The following C2orf69 variants were observed in gnomAD, a reference collection of about 807,000 sequenced individuals.
The protein encoded by C2orf69 is mitochondrial protein C2orf69.
C2orf69 carries 19 observed loss-of-function variants against 29.5 expected under a neutral mutation model. The observed-to-expected ratio is 0.65, with a 90% CI of 0.45 to 0.95. The LOEUF (loss-of-function observed/expected upper bound fraction) is 0.95, where lower values mean the gene tolerates loss of function less well. Among genes scored for constraint, C2orf69 ranks in the 40% least tolerant of loss-of-function variants. The pLI, the probability that C2orf69 is intolerant of heterozygous loss-of-function variation, is 0.00. For missense variants in C2orf69, 416 were observed against 482.1 expected, an observed-to-expected ratio of 0.86 and a Z score of 1.28; for synonymous variants, 194 against 180.0, an observed-to-expected ratio of 1.08 and a Z score of -0.62.
intron 1 of C2orf69, among the ~76,000 whole-genome samples, chr2:199,913,503 AT>A (rs1265436626): frequency 3.4e-5 from 2 of 57,982 alleles, no homozygotes; most frequent in Admixed American, 6.8e-4. Flanking sequence ...ATTATATAAA[AT>A]ATATATTATA....
chr2:199,922,031 T>TATATATATATATATA lies in C2orf69; in HGVS notation c.334-3031_334-3030insATATATATATATATA, dbSNP rs1553566021. On this transcript the variant is annotated intron_variant, in intron 1 of 1. Coordinates refer to ENST00000319974, the MANE Select transcript of C2orf69 (RefSeq NM_153689.6). The stretch of plus-strand genomic sequence containing the variant: ...TTCCCCAAGGCTGCCACTGTTATTT[T>TATATATATATATATA]TATATATATATATATATATATATGC... Among the ~76,000 whole-genome samples, 277 of 78,940 alleles carry TATATATATATATATA rather than the reference T, an allele frequency of 3.5e-3. 2 individuals are homozygous for TATATATATATATATA. Among genetic ancestry groups the TATATATATATATATA allele is most frequent in the Non-Finnish European group, 4.1e-3 (180 of 44,280 alleles). The allele number at this position is 78,940 out of a possible 152,430, so 51.8% of individuals were successfully genotyped here.
intron 1 of C2orf69, among the ~76,000 whole-genome samples, chr2:199,923,165 C>T (rs758142164): frequency 4.6e-5 from 7 of 152,210 alleles, no homozygotes; most frequent in African/African-American, 9.7e-5. Context: ...ATTGGAGAAG[C>T]CTTTCCTGAC....
rs77934141 is a variant in C2orf69 at position 199,914,206 on chromosome 2, A to G, written c.333+2435A>G. On this transcript the variant is annotated intron_variant, in intron 1 of 1. Transcript: ENST00000319974. Reference sequence around the variant, plus strand: ...CTTCAGTCTCATGGCTTTACTCACTACCTGTACACTGACACCCCTCAACAT... The same window carrying G: ...CTTCAGTCTCATGGCTTTACTCACTGCCTGTACACTGACACCCCTCAACAT... Among the ~76,000 whole-genome samples the G allele has an allele frequency of 7.2e-3, 1,096 of 152,134 alleles. 36 individuals are homozygous for G. The highest frequency in any genetic ancestry group is 0.055 in the Admixed American group (846 of 15,278).
chr2:199,925,626 G>C lies in C2orf69; in HGVS notation c.898G>C (p.Asp300His), dbSNP rs760043604. Residue 300 changes from aspartate to histidine, a missense_variant, in exon 2 of 2, where the codon GAT becomes CAT. Coordinates refer to ENST00000319974, the MANE Select transcript of C2orf69 (RefSeq NM_153689.6). The surrounding 1 kb of genome is among the most constrained non-coding windows in gnomAD (Gnocchi z 4.9). ...AAGCATAAGAACAATGTATTGGCTG[G>C]ATGGTGGTCATTCTGGAGGAAGCAA... is the stretch of plus-strand genomic sequence containing the variant. ...IKSIRTMYWLDGGHSGGSNTW... is the reference protein window; with the variant it reads ...IKSIRTMYWLHGGHSGGSNTW... The C allele has an allele frequency of 3.1e-6, 5 of 1,613,948 alleles. No individual in the cohort carries two copies. The highest frequency in any genetic ancestry group is 4.2e-6 in the Non-Finnish European group (5 of 1,179,862).
intron 1 of C2orf69, among the ~76,000 whole-genome samples, chr2:199,913,021 G>A (rs1332409722): frequency 6.7e-6 from 1 of 148,826 alleles, no homozygotes; most frequent in Admixed American, 6.8e-5. Flanking sequence ...TAGAAACTGT[G>A]CTCTGAGTCA....
intron 1 of C2orf69, among the ~76,000 whole-genome samples, chr2:199,922,105 CT>C: frequency 7.8e-6 from 1 of 128,210 alleles, no homozygotes; most frequent in Admixed American, 9.3e-5. Context: ...TTCTTTTTCT[CT>C]TTTTTTTGAG....
chr2:199,917,349 A>G (rs573832154), intron 1 of C2orf69, among the ~76,000 whole-genome samples: 31 of 152,318 alleles, frequency 2.0e-4, no homozygotes, highest in African/African-American at 7.2e-4. Flanking sequence ...CTCGTTACTT[A>G]TGCAAGTTTC....
Sources: gnomAD v4.1 joint callset for allele counts (sites outside exome capture counted in the v4.1 genomes callset) on GRCh38, gnomAD v4.1.1 for gene constraint, Gnocchi (gnomAD v3.1) non-coding constraint, MANE v1.5 for transcripts, NCBI Gene and HGNC (gene_info 2026-07-23, HGNC 2026-07-21) for gene names.